GNG12: variants seen among roughly 807,000 people sequenced by gnomAD.
The protein encoded by GNG12 is guanine nucleotide-binding protein G(I)/G(S)/G(O) subunit gamma-12.
For synonymous variants in GNG12, 28 were observed against 29.7 expected (o/e 0.94, Z 0.19); for missense variants, 69 against 83.8 (o/e 0.82, Z 0.69).
At chr1:67,809,641 A>G (rs1473030638) in intron 1 of GNG12, among the ~76,000 whole-genome samples, 1 of 152,232 alleles carries the variant, frequency 6.6e-6, no homozygotes, top group Non-Finnish European at 1.5e-5. Flanking sequence ...ATACCTCACC[A>G]AAGAAAACAT....
intron 2 of GNG12, chr1:67,772,580 A>G (rs1646680945): frequency 6.6e-6 from 1 of 152,056 alleles, no homozygotes; most frequent in South Asian, 2.1e-4. Context: ...TTTAAAATTT[A>G]TTACATAATG....
intron 2 of GNG12, among the ~76,000 whole-genome samples, chr1:67,763,022 C>T (rs756266315): frequency 3.3e-5 from 5 of 150,092 alleles, no homozygotes; most frequent in African/African-American, 1.2e-4. Flanking sequence ...AGAGAATAGT[C>T]GCAAAGCACC....
At chr1:67,773,883 A>G (rs1221381068) in intron 2 of GNG12, among the ~76,000 whole-genome samples, 1 of 152,158 alleles carries the variant, frequency 6.6e-6, no homozygotes, top group Admixed American at 6.5e-5. Flanking sequence ...GGTTGTGAAT[A>G]TATTTATTTG....
intron 2 of GNG12, among the ~76,000 whole-genome samples, chr1:67,738,054 A>G (rs911293979): frequency 5.9e-5 from 9 of 151,852 alleles, no homozygotes; most frequent in Non-Finnish European, 1.2e-4. Flanking sequence ...CTCCCACCTC[A>G]GCCTCCTGGG....
In GNG12 at chr1:67,703,938, A is replaced by C. The variant is rs1042473115; in HGVS notation, c.*1513T>G. ...TGGGGTTGATTCCTTTTTGAGGGGA[A>C]GTTTTTAACCTTTCCTTAGTAGTTA... On this transcript the variant is annotated 3_prime_UTR_variant, in exon 4 of 4. Transcript: ENST00000370982. 2.6e-5 allele frequency: 4 copies of C among 152,222 alleles called. No individual in the cohort carries two copies. The highest frequency in any genetic ancestry group is 5.9e-5 in the Non-Finnish European group (4 of 68,032). The allele number at this position is 152,222 out of a possible 1,614,324, so 9.4% of individuals were successfully genotyped here.
chr1:67,715,021 C>T (rs569082137), intron 2 of GNG12, among the ~76,000 whole-genome samples: 3 of 152,266 alleles, frequency 2.0e-5, no homozygotes, highest in East Asian at 3.9e-4. Flanking sequence ...CTATTTCAAG[C>T]GGTTCTCCTG....
chr1:67,817,841 C>G (rs557874451), intron 1 of GNG12, among the ~76,000 whole-genome samples: 4 of 137,918 alleles, frequency 2.9e-5, no homozygotes, highest in African/African-American at 8.4e-5. Flanking sequence ...GGCTGGAGTG[C>G]AGTGGTGCAA....
At chr1:67,764,431 C>G (rs1646624276) in intron 2 of GNG12, among the ~76,000 whole-genome samples, 1 of 152,218 alleles carries the variant, frequency 6.6e-6, no homozygotes, top group Non-Finnish European at 1.5e-5. Flanking sequence ...GCCTACCCTT[C>G]TCCTCTGTCT....
chr1:67,777,718 G>C (rs756665461), intron 1 of GNG12, among the ~76,000 whole-genome samples: 4 of 152,170 alleles, frequency 2.6e-5, no homozygotes, highest in Admixed American at 1.3e-4. Context: ...CTACTTTGGG[G>C]AGTGTTCAAA....
At chr1:67,716,315 G>T (rs1258525126) in intron 2 of GNG12, among the ~76,000 whole-genome samples, 5 of 152,164 alleles carry the variant, frequency 3.3e-5, no homozygotes, top group African/African-American at 4.8e-5. Context: ...TCCCTATCTG[G>T]TGTCTTTCAT....
intron 1 of GNG12, among the ~76,000 whole-genome samples, chr1:67,824,077 T>G (rs1646998197): frequency 1.3e-5 from 2 of 152,058 alleles, no homozygotes; most frequent in African/African-American, 4.8e-5. Context: ...GGGGGGAGAA[T>G]TAAAATACCA....
chr1:67,721,944 T>G (rs958001618), intron 2 of GNG12, among the ~76,000 whole-genome samples: 1 of 151,978 alleles, frequency 6.6e-6, no homozygotes, highest in African/African-American at 2.4e-5. Context: ...TTGCCCACAA[T>G]GTAGCTAATC....
chr1:67,772,107 G>A (rs1174055995), intron 2 of GNG12, among the ~76,000 whole-genome samples: 2 of 152,168 alleles, frequency 1.3e-5, no homozygotes, highest in Non-Finnish European at 2.9e-5. Flanking sequence ...GCCCAGGGAA[G>A]GGGGTAGGCA....
intron 3 of GNG12, among the ~76,000 whole-genome samples, chr1:67,707,392 A>G (rs1228545314): frequency 6.6e-6 from 1 of 152,206 alleles, no homozygotes; most frequent in African/African-American, 2.4e-5. Flanking sequence ...ACAAACAGAG[A>G]GGCTAATGCA....
At chr1:67,738,394 C>T (rs567553043) in intron 2 of GNG12, among the ~76,000 whole-genome samples, 10 of 152,210 alleles carry the variant, frequency 6.6e-5, no homozygotes, top group Non-Finnish European at 1.3e-4. Flanking sequence ...GAATGCTTGT[C>T]CTAGGTATAT....
At chr1:67,729,737 C>G (rs889099722) in intron 2 of GNG12, among the ~76,000 whole-genome samples, 1 of 152,202 alleles carries the variant, frequency 6.6e-6, no homozygotes, top group African/African-American at 2.4e-5. Context: ...GCTCAGAGCA[C>G]TACTACTAAT....
chr1:67,717,243 T>C (rs932642764), intron 2 of GNG12, among the ~76,000 whole-genome samples: 2 of 152,126 alleles, frequency 1.3e-5, no homozygotes, highest in Non-Finnish European at 2.9e-5. Context: ...CGGCCGGGTA[T>C]GGTGGCTCAT....
chr1:67,716,032 T>C (rs654513), intron 2 of GNG12, among the ~76,000 whole-genome samples: 104,610 of 152,036 alleles, frequency 0.69, 36,038 homozygotes, highest in Admixed American at 0.71. Context: ...TGCCCTGGTC[T>C]GGCATAGTTA....
chr1:67,832,855 C>A (rs1291560700), intron 1 of GNG12, among the ~76,000 whole-genome samples: 1 of 152,182 alleles, frequency 6.6e-6, no homozygotes, highest in Non-Finnish European at 1.5e-5. Flanking sequence ...GCGTCCCTGT[C>A]GCCCCCACAT....
Sources: gnomAD v4.1 joint callset for allele counts (sites outside exome capture counted in the v4.1 genomes callset) on GRCh38, gnomAD v4.1.1 for gene constraint, MANE v1.5 for transcripts, NCBI Gene and HGNC (gene_info 2026-07-23, HGNC 2026-07-21) for gene names.